The following NFIB variants were observed in gnomAD, a reference collection of about 807,000 sequenced individuals.
NFIB encodes the protein nuclear factor 1 B-type.
Under a neutral mutation model 61.5 loss-of-function variants are expected in NFIB, and 11 were observed. That is an observed-to-expected ratio of 0.18 (90% confidence interval 0.11 to 0.30). The LOEUF is 0.30. Among genes scored for constraint, NFIB ranks in the 10% least tolerant of loss-of-function variants. The pLI, the probability that NFIB is intolerant of heterozygous loss-of-function variation, is 1.00. For synonymous variants in NFIB, 260 were observed against 216.5 expected (o/e 1.20, Z -1.76); for missense variants, 471 against 608.9 (o/e 0.77, Z 2.38).
intron 3 of NFIB, 26 bp from the exon 4 acceptor site, chr9:14,155,919 T>G (rs757938738): frequency 7.3e-7 from 1 of 1,374,830 alleles, no homozygotes; most frequent in South Asian, 1.3e-5. Context: ...AAAGGAAAAA[T>G]GATCAATATA....
intron 1 of NFIB, among the ~76,000 whole-genome samples, chr9:14,328,065 G>C (rs1452602416): frequency 2.0e-5 from 3 of 152,168 alleles, no homozygotes; most frequent in Non-Finnish European, 2.9e-5. Context: ...GGTCAGAATA[G>C]AAATACAAGT....
chr9:14,334,787 T>G (rs1044779739), intron 1 of NFIB, among the ~76,000 whole-genome samples: 2 of 152,224 alleles, frequency 1.3e-5, no homozygotes, highest in Admixed American at 1.3e-4. Context: ...ACCATCAAGA[T>G]AGGCAACATT....
At chr9:14,231,135 A>AAAATATATATATATATAT (rs55959148) in intron 2 of NFIB, among the ~76,000 whole-genome samples, 1 of 35,350 alleles carries the variant, frequency 2.8e-5, no homozygotes, top group African/African-American at 1.0e-4. Context: ...AAAAAAAAAA[A>AAAATATATATATATATAT]ATATATATAT....
chr9:14,395,597 G>A (rs2061675234), intron 1 of NFIB, among the ~76,000 whole-genome samples: 1 of 152,002 alleles, frequency 6.6e-6, no homozygotes, highest in Non-Finnish European at 1.5e-5. Context: ...CGATCTGTAT[G>A]CAGCATGACC....
At chr9:14,211,125 T>G (rs1271488115) in intron 2 of NFIB, among the ~76,000 whole-genome samples, 1 of 152,170 alleles carries the variant, frequency 6.6e-6, no homozygotes, top group African/African-American at 2.4e-5. Flanking sequence ...CTGGAAAAAC[T>G]TGCGGTAAAA....
At chr9:14,181,189 G>C (rs562549540) in intron 2 of NFIB, among the ~76,000 whole-genome samples, 64 of 152,094 alleles carry the variant, frequency 4.2e-4, no homozygotes, top group Non-Finnish European at 6.8e-4. Flanking sequence ...ATGCCTGTTA[G>C]CTTAGATTTA....
the NFIB span, among the ~76,000 whole-genome samples, chr9:14,459,224 C>A: frequency 6.6e-6 from 1 of 152,158 alleles, no homozygotes; most frequent in African/African-American, 2.4e-5. Flanking sequence ...ATATCTACAA[C>A]TATCTGATCT....
chr9:14,395,726 CTTTTT>C (rs35417792), intron 1 of NFIB, among the ~76,000 whole-genome samples: 47 of 65,756 alleles, frequency 7.1e-4, no homozygotes, highest in Non-Finnish European at 1.2e-3. Flanking sequence ...ATTCTTTTGA[CTTTTT>C]TTTTTTTTTT....
At chr9:14,450,325 C>G in the NFIB span, among the ~76,000 whole-genome samples, 1 of 152,308 alleles carries the variant, frequency 6.6e-6, no homozygotes, top group Non-Finnish European at 1.5e-5. Context: ...ACTCAACCTA[C>G]TGCTTACATC....
the NFIB span, among the ~76,000 whole-genome samples, chr9:14,442,831 G>A: frequency 6.6e-6 from 1 of 152,098 alleles, no homozygotes; most frequent in Non-Finnish European, 1.5e-5. Flanking sequence ...CATAAACCAT[G>A]AGCTGCTATT....
intron 1 of NFIB, among the ~76,000 whole-genome samples, chr9:14,368,017 C>T (rs1360008097): frequency 6.6e-6 from 1 of 151,970 alleles, no homozygotes; most frequent in Non-Finnish European, 1.5e-5. Context: ...ATCCCAGGTA[C>T]CAAACATGGC....
At chr9:14,340,343 A>G (rs2060935309) in intron 1 of NFIB, among the ~76,000 whole-genome samples, 4 of 152,230 alleles carry the variant, frequency 2.6e-5, no homozygotes, top group African/African-American at 7.2e-5. Flanking sequence ...CTCTTAAACT[A>G]TAAATTAGAG....
chr9:14,395,186 T>A (rs1042457224), intron 1 of NFIB, among the ~76,000 whole-genome samples: 3 of 151,986 alleles, frequency 2.0e-5, no homozygotes, highest in Non-Finnish European at 2.9e-5. Flanking sequence ...AGCCTCCATA[T>A]GTGTGCTAGC....
At chr9:14,113,201 TTTCTC>T in intron 9 of NFIB, 120 bp from the exon 10 acceptor site, 5 of 734,720 alleles carry the variant, frequency 6.8e-6, no homozygotes, top group South Asian at 2.1e-5. Flanking sequence ...AGTGTCTTCA[TTTCTC>T]TTCTCTTTTG....
chr9:14,146,080 A>G lies in NFIB; in HGVS notation c.925+609T>C, dbSNP rs76103868. Among the ~76,000 whole-genome samples the G allele has an allele frequency of 1.5e-3, 235 of 152,248 alleles. 2 individuals are homozygous for G. Among genetic ancestry groups the G allele is most frequent in the African/African-American group, 5.3e-3 (221 of 41,556 alleles). ...AATATAGTAAATCCAACAGACTTTA[A>G]GAAGAGCTAAGTCTCAATCCTTCCG... On this transcript the variant is annotated intron_variant, in intron 6 of 10. Transcript: ENST00000380953.
the NFIB span, among the ~76,000 whole-genome samples, chr9:14,523,059 G>A: frequency 6.6e-6 from 1 of 152,152 alleles, no homozygotes; most frequent in Admixed American, 6.6e-5. Context: ...GTTTCTGCTG[G>A]TATAGAAGGG....
chr9:14,396,082 A>G (rs1392321550), intron 1 of NFIB, among the ~76,000 whole-genome samples: 3 of 152,074 alleles, frequency 2.0e-5, no homozygotes, highest in African/African-American at 4.8e-5. Context: ...GCCGATTCCT[A>G]TATCTATATT....
In NFIB at chr9:14,132,083, T is replaced by A. The variant is rs144513226; in HGVS notation, c.926-6317A>T. Among the ~76,000 whole-genome samples, 27 of 152,314 alleles carry A rather than the reference T, an allele frequency of 1.8e-4. No homozygotes were observed. In the East Asian group the frequency reaches 5.2e-3, roughly 29 times the overall value. ...CCTATAGTAACACAATTTTTAACAA[T>A]TTCAAATTAATTATGTAAGAACACG... On this transcript the variant is annotated intron_variant, in intron 6 of 10. Transcript: ENST00000380953.
rs2046532574 is a variant in NFIB at position 14,179,577 on chromosome 9, A to G, written c.616+150T>C. 4 of 608,420 alleles carry G rather than the reference A, an allele frequency of 6.6e-6. No individual in the cohort carries two copies. In the South Asian group the frequency reaches 1.6e-4, roughly 24 times the overall value. The allele number at this position is 608,420 out of a possible 1,614,324, so 37.7% of individuals were successfully genotyped here. ...AATATAAAAGTATTTGCCACTGCAA[A>G]GGGCCTAAGCACAATCACATCTTGT... On this transcript the variant is annotated intron_variant, in intron 3 of 10. Transcript: ENST00000380953.
Sources: gnomAD v4.1 joint callset for allele counts (sites outside exome capture counted in the v4.1 genomes callset) on GRCh38, gnomAD v4.1.1 for gene constraint, MANE v1.5 for transcripts, NCBI Gene and HGNC (gene_info 2026-07-23, HGNC 2026-07-21) for gene names.